Variants in RASA2 observed in about 807,000 individuals in gnomAD.
RASA2 encodes RAS p21 protein activator 2, also known as ras GTPase-activating protein 2.
Under a neutral mutation model 118.2 loss-of-function variants are expected in RASA2, and 155 were observed. That is an observed-to-expected ratio of 1.31 (90% CI 1.15 to 1.50). The LOEUF is 1.50. RASA2 is among the 40% of genes most tolerant of loss of function. The pLI is 0.00. For synonymous variants in RASA2, 353 were observed against 349.1 expected (o/e 1.01, Z -0.12); for missense variants, 1,016 against 1,009.6 (o/e 1.01, Z -0.09).
chr3:141,602,444 CAGGT>C (rs2083478815), intron 19 of RASA2, among the ~76,000 whole-genome samples: 1 of 152,196 alleles, frequency 6.6e-6, no homozygotes, highest in South Asian at 2.1e-4. Flanking sequence ...AGGCAGAACT[CAGGT>C]AGTAATGCTT....
chr3:141,503,091 A>C (rs1169003617), intron 1 of RASA2, among the ~76,000 whole-genome samples: 1 of 152,218 alleles, frequency 6.6e-6, no homozygotes, highest in Non-Finnish European at 1.5e-5. Context: ...TACCGATCAA[A>C]TGAAACATTT....
chr3:141,489,438 A>T (rs763048541), intron 1 of RASA2, among the ~76,000 whole-genome samples: 2 of 152,182 alleles, frequency 1.3e-5, no homozygotes, highest in Non-Finnish European at 2.9e-5. Flanking sequence ...GGTCACAGAA[A>T]TGAGATGGTG....
At chr3:141,520,553 G>T (rs994104995) in intron 3 of RASA2, among the ~76,000 whole-genome samples, 2 of 152,006 alleles carry the variant, frequency 1.3e-5, no homozygotes, top group South Asian at 4.1e-4. Context: ...GTGTGTGTGT[G>T]TGTGTGTTAT....
intron 4 of RASA2, among the ~76,000 whole-genome samples, chr3:141,539,818 T>TA (rs2082381599): frequency 6.6e-6 from 1 of 152,202 alleles, no homozygotes; most frequent in South Asian, 2.1e-4. Flanking sequence ...CTTTTGAACT[T>TA]ACACTACTTA....
intron 2 of RASA2, among the ~76,000 whole-genome samples, chr3:141,516,023 G>T (rs2082018766): frequency 6.9e-6 from 1 of 144,532 alleles, no homozygotes; most frequent in Non-Finnish European, 1.5e-5. Flanking sequence ...GACACAGGAA[G>T]GGGAGCATCA....
intron 20 of RASA2, 45 bp from the exon 21 acceptor site, chr3:141,608,444 T>C: frequency 1.3e-6 from 2 of 1,578,764 alleles, no homozygotes; most frequent in Non-Finnish European, 1.7e-6. Flanking sequence ...GTGTGTTGGT[T>C]TTTGGACTCT....
At chr3:141,532,035 G>A (rs1188013234) in intron 4 of RASA2, among the ~76,000 whole-genome samples, 2 of 151,974 alleles carry the variant, frequency 1.3e-5, no homozygotes, top group South Asian at 2.1e-4. Context: ...GCGTTCAACA[G>A]GAACTCAGTC....
chr3:141,586,345 T>TA (rs1480375585), intron 18 of RASA2, among the ~76,000 whole-genome samples: 1 of 152,162 alleles, frequency 6.6e-6, no homozygotes, highest in Admixed American at 6.5e-5. Context: ...AGAGTACTTT[T>TA]AAAAAGTAAC....
At position 141,506,235 on chromosome 3, in the gene RASA2, A is replaced by G. The variant is rs117839241; in HGVS notation, c.134-5928A>G. Among the ~76,000 whole-genome samples, 214 of 152,378 alleles carry G rather than the reference A, an allele frequency of 1.4e-3. 7 individuals carry two copies. The East Asian group carries it at 0.024, about 17-fold the overall frequency. ...CTTCGTAGAGGAACAGTTGGTTGTCATTGATATACCTCCTGATCTTGATTT... is the reference window on the plus strand; with the variant it reads ...CTTCGTAGAGGAACAGTTGGTTGTCGTTGATATACCTCCTGATCTTGATTT... On this transcript the variant is annotated intron_variant, in intron 1 of 23. Transcript: ENST00000286364.
chr3:141,559,970 A>T lies in RASA2; in HGVS notation c.838A>T (p.Arg280Ter). 1 of 1,613,224 alleles carries T rather than the reference A, an allele frequency of 6.2e-7. No homozygotes were observed. Among genetic ancestry groups the T allele is most frequent in the Non-Finnish European group, 8.5e-7 (1 of 1,179,342 alleles). The change falls in exon 9 of 24, where the codon AGA (arginine) becomes TGA (stop). Residue 280 changes from arginine (R) to a stop codon, truncating the protein, a stop_gained. Coordinates refer to ENST00000286364, the MANE Select transcript of RASA2 (RefSeq NM_006506.5). LOFTEE classifies it high-confidence loss of function. ...GATTAAGGTTCCTGTGAACGTATTAAGAACTGATTCCTCTCATCAAGCCTG... is the reference window on the plus strand; with the variant it reads ...GATTAAGGTTCCTGTGAACGTATTATGAACTGATTCCTCTCATCAAGCCTG... ...GEIKVPVNVL[R>*]TDSSHQAWYL...
chr3:141,578,129 G>T (rs2083042620), intron 15 of RASA2, among the ~76,000 whole-genome samples: 1 of 152,120 alleles, frequency 6.6e-6, no homozygotes, highest in Non-Finnish European at 1.5e-5. Context: ...GGTCCTCCTA[G>T]CAACCTGGTA....
chr3:141,490,388 C>T (rs2081627040), intron 1 of RASA2, among the ~76,000 whole-genome samples: 1 of 149,426 alleles, frequency 6.7e-6, no homozygotes, highest in African/African-American at 2.5e-5. Flanking sequence ...GGGATTGGGG[C>T]TTCCTCCTTT....
intron 5 of RASA2, among the ~76,000 whole-genome samples, chr3:141,553,207 A>C (rs1024516469): frequency 1.3e-5 from 2 of 152,176 alleles, no homozygotes; most frequent in Non-Finnish European, 2.9e-5. Context: ...TTTGTCATTC[A>C]TGCTTTAGCA....
intron 19 of RASA2, among the ~76,000 whole-genome samples, chr3:141,599,194 G>T (rs1205396891): frequency 6.7e-6 from 1 of 150,000 alleles, no homozygotes; most frequent in Non-Finnish European, 1.5e-5. Context: ...AATAAAAAGA[G>T]ACATGTCATG....
intron 14 of RASA2, among the ~76,000 whole-genome samples, chr3:141,574,913 T>C (rs13063991): frequency 0.052 from 7,857 of 152,294 alleles, 308 homozygotes; most frequent in Non-Finnish European, 0.078. Flanking sequence ...AAGGTACATA[T>C]ATCAGTAACT....
At chr3:141,494,686 T>G (rs2081679096) in intron 1 of RASA2, among the ~76,000 whole-genome samples, 1 of 152,168 alleles carries the variant, frequency 6.6e-6, no homozygotes. Flanking sequence ...AAATTTTAAA[T>G]TTTTCTAAGG....
chr3:141,532,725 A>C (rs2082275953), intron 4 of RASA2, among the ~76,000 whole-genome samples: 1 of 152,104 alleles, frequency 6.6e-6, no homozygotes, highest in Admixed American at 6.6e-5. Context: ...ATTCTGGGCC[A>C]TGGTAAATGA....
chr3:141,567,654 A>G (rs76737822), intron 9 of RASA2, among the ~76,000 whole-genome samples: 4,727 of 152,282 alleles, frequency 0.031, 242 homozygotes, highest in African/African-American at 0.1. Flanking sequence ...CCAAAGGAGA[A>G]AATCCCTCCC....
At position 141,526,653 on chromosome 3, in the gene RASA2, C is replaced by G. The variant is rs575088459; in HGVS notation, c.356-3055C>G. Among the ~76,000 whole-genome samples the G allele has an allele frequency of 7.2e-5, 11 of 152,280 alleles. No individual in the cohort carries two copies. In the East Asian group the frequency reaches 1.5e-3, roughly 21 times the overall value. ...CTCTAACTTTGTGGAATCATGTACT[C>G]TTTCTTCTCTGTTTCTTCAGGCCAA... On this transcript the variant is annotated intron_variant, in intron 3 of 23. Coordinates refer to ENST00000286364, the MANE Select transcript of RASA2 (RefSeq NM_006506.5).
Sources: gnomAD v4.1 joint callset for allele counts (sites outside exome capture counted in the v4.1 genomes callset) on GRCh38, gnomAD v4.1.1 for gene constraint, MANE v1.5 for transcripts, NCBI Gene and HGNC (gene_info 2026-07-23, HGNC 2026-07-21) for gene names.